Variants in FRMD4B observed in about 807,000 individuals in gnomAD.
FRMD4B encodes FERM domain-containing protein 4B.
In FRMD4B, 74 loss-of-function variants were observed where a neutral mutation model predicts 141.5. The ratio of observed to expected loss-of-function variants is 0.52; its 90% CI spans 0.43 to 0.63. The LOEUF (loss-of-function observed/expected upper bound fraction) is 0.63, where lower values mean the gene tolerates loss of function less well. Ranked by LOEUF, FRMD4B falls within the 30% of genes least tolerant of loss-of-function variation. FRMD4B has a pLI of 0.00. For missense variants in FRMD4B, 1,366 were observed against 1,253.4 expected (o/e 1.09, Z -1.36); for synonymous variants, 506 against 467.9 (o/e 1.08, Z -1.05).
intron 11 of FRMD4B, 102 bp downstream of exon 11, chr3:69,216,161 A>AC (rs398105993): frequency 1.1e-4 from 76 of 667,580 alleles, no homozygotes; most frequent in East Asian, 4.6e-4. Flanking sequence ...CTCAAAAAAA[A>AC]CCAAAAAAAC....
At chr3:69,541,796 C>CCCCCG (rs1392534890) in intron 1 of FRMD4B, among the ~76,000 whole-genome samples, 1 of 151,418 alleles carries the variant, frequency 6.6e-6, no homozygotes, top group Non-Finnish European at 1.5e-5. Context: ...ATTTCCCCCC[C>CCCCCG]CTCTTTTCGC....
intron 11 of FRMD4B, among the ~76,000 whole-genome samples, chr3:69,202,565 A>G (rs550913036): frequency 6.6e-6 from 1 of 152,142 alleles, no homozygotes; most frequent in Non-Finnish European, 1.5e-5. Flanking sequence ...AGTGATCATT[A>G]TATAAGCATA....
intron 2 of FRMD4B, among the ~76,000 whole-genome samples, chr3:69,392,628 G>C (rs1455252804): frequency 6.6e-6 from 1 of 152,168 alleles, no homozygotes; most frequent in African/African-American, 2.4e-5. Flanking sequence ...GAGTGTTCCT[G>C]TTCCTCAGTC....
At chr3:69,309,055 T>C (rs899560129) in intron 3 of FRMD4B, among the ~76,000 whole-genome samples, 8 of 152,346 alleles carry the variant, frequency 5.3e-5, no homozygotes, top group Non-Finnish European at 1.2e-4. Flanking sequence ...GGGCCTTGTC[T>C]GTGTTACTCC....
chr3:69,388,262 A>G (rs1020883056), upstream of FRMD4B, among the ~76,000 whole-genome samples: 1 of 152,192 alleles, frequency 6.6e-6, no homozygotes, highest in Non-Finnish European at 1.5e-5. Context: ...GTCTAATGTC[A>G]GCAGTCACTT....
intron 3 of FRMD4B, among the ~76,000 whole-genome samples, chr3:69,309,713 C>T (rs537870332): frequency 9.3e-4 from 140 of 150,278 alleles, no homozygotes; most frequent in African/African-American, 2.2e-3. Flanking sequence ...CTCCAAAGTG[C>T]GGGGATTACA....
chr3:69,413,362 C>T (rs1317786809), intron 2 of FRMD4B, among the ~76,000 whole-genome samples: 1 of 152,160 alleles, frequency 6.6e-6, no homozygotes, highest in South Asian at 2.1e-4. Context: ...CTCAAGGTCA[C>T]TTAGCCTGGA....
intron 1 of FRMD4B, among the ~76,000 whole-genome samples, chr3:69,500,114 C>A (rs1706467013): frequency 6.6e-6 from 1 of 152,164 alleles, no homozygotes; most frequent in African/African-American, 2.4e-5. Context: ...GTAGGCCAAG[C>A]CCCAGGACCC....
intron 1 of FRMD4B, among the ~76,000 whole-genome samples, chr3:69,529,469 A>T (rs1458415731): frequency 6.6e-6 from 1 of 152,068 alleles, no homozygotes; most frequent in Non-Finnish European, 1.5e-5. Flanking sequence ...GCAAATTACC[A>T]CTTGTCTGGG....
chr3:69,454,208 T>C (rs546122596), intron 1 of FRMD4B, among the ~76,000 whole-genome samples: 2 of 152,322 alleles, frequency 1.3e-5, no homozygotes, highest in African/African-American at 4.8e-5. Context: ...CTGTCCCATG[T>C]GTAGAAGGAG....
intron 18 of FRMD4B, among the ~76,000 whole-genome samples, chr3:69,189,296 G>A (rs759239153): frequency 6.7e-6 from 1 of 148,442 alleles, no homozygotes; most frequent in Non-Finnish European, 1.5e-5. Context: ...CATTACAATC[G>A]ATACAGCCTG....
At chr3:69,495,238 A>G (rs1332038603) in intron 1 of FRMD4B, among the ~76,000 whole-genome samples, 1 of 152,168 alleles carries the variant, frequency 6.6e-6, no homozygotes, top group Non-Finnish European at 1.5e-5. Context: ...AGAACTCCCA[A>G]TCCTGCCTTT....
chr3:69,326,863 A>G (rs1702207372), intron 1 of FRMD4B, among the ~76,000 whole-genome samples: 1 of 152,242 alleles, frequency 6.6e-6, no homozygotes, highest in Non-Finnish European at 1.5e-5. Flanking sequence ...AACATGCAGG[A>G]TATTTCTGCT....
intron 2 of FRMD4B, among the ~76,000 whole-genome samples, chr3:69,424,185 T>C (rs1575797798): frequency 6.6e-6 from 1 of 152,222 alleles, no homozygotes; most frequent in African/African-American, 2.4e-5. Flanking sequence ...TGTGACGAGG[T>C]TTATAGCAGC....
chr3:69,281,652 C>T (rs566953685), intron 5 of FRMD4B, among the ~76,000 whole-genome samples: 55 of 151,796 alleles, frequency 3.6e-4, no homozygotes, highest in South Asian at 2.1e-3. Flanking sequence ...GGTGAAATCC[C>T]GTCTCTACTA....
At chr3:69,208,714 C>A (rs965921805) in intron 11 of FRMD4B, among the ~76,000 whole-genome samples, 1 of 152,174 alleles carries the variant, frequency 6.6e-6, no homozygotes, top group African/African-American at 2.4e-5. Flanking sequence ...AAGATAATTA[C>A]AAATTTATGT....
At chr3:69,467,593 C>T (rs983582529) in intron 1 of FRMD4B, among the ~76,000 whole-genome samples, 1 of 152,220 alleles carries the variant, frequency 6.6e-6, no homozygotes, top group Non-Finnish European at 1.5e-5. Context: ...CCTTGTCAAG[C>T]CTCCATTTTT....
intron 1 of FRMD4B, among the ~76,000 whole-genome samples, chr3:69,477,621 G>A (rs1381829123): frequency 6.6e-6 from 1 of 152,006 alleles, no homozygotes; most frequent in East Asian, 1.9e-4. Context: ...TTTTATTGAG[G>A]ATTTTTGCAT....
intron 1 of FRMD4B, among the ~76,000 whole-genome samples, chr3:69,371,978 C>T (rs928889619): frequency 5.3e-5 from 8 of 152,188 alleles, no homozygotes; most frequent in African/African-American, 1.9e-4. Context: ...AACACCAGGG[C>T]ACCGTGTGAT....
Sources: allele counts gnomAD v4.1 joint callset (sites outside exome capture counted in the v4.1 genomes callset), GRCh38; gene constraint gnomAD v4.1.1; transcripts MANE v1.5; gene names NCBI Gene and HGNC (gene_info 2026-07-23, HGNC 2026-07-21).